The following ZNF276 variants were observed in gnomAD, a reference collection of about 807,000 sequenced individuals.
The protein encoded by ZNF276 is zinc finger protein 276, also known as centromere protein Z.
In ZNF276, 59 loss-of-function variants were observed where a neutral mutation model predicts 63.9. That is an observed-to-expected ratio of 0.92 (90% confidence interval 0.75 to 1.15). The LOEUF (loss-of-function observed/expected upper bound fraction) is 1.15. ZNF276 is among the 50% of genes most tolerant of loss of function. The pLI is 0.00. For synonymous variants in ZNF276, 496 were observed against 348.4 expected (o/e 1.42, Z -4.72); for missense variants, 1,084 against 843.8 (o/e 1.28, Z -3.53).
rs549586797 is a variant in ZNF276 at position 89,740,659 on chromosome 16, C to G, written c.*2413C>G. On this transcript the variant is annotated 3_prime_UTR_variant, in exon 11 of 11. Coordinates refer to ENST00000443381, the MANE Select transcript of ZNF276 (RefSeq NM_001113525.2). ...CTCAAAAAAAAAAAAAAAAAACCCA[C>G]GGCCTGGGAGTTCTCACTCACACTT... 4.1e-5 allele frequency: 27 copies of G among 652,786 alleles called. No individual in the cohort carries two copies. In the South Asian group the frequency reaches 4.5e-4, roughly 11 times the overall value. The allele number at this position is 652,786 out of a possible 1,614,324, so 40.4% of individuals were successfully genotyped here.
intron 9 of ZNF276, among the ~76,000 whole-genome samples, chr16:89,736,037 G>T (rs1188656456): frequency 6.6e-6 from 1 of 152,044 alleles, no homozygotes; most frequent in East Asian, 1.9e-4. Context: ...GACTACAGGT[G>T]CTGGCCACCA....
Position 89,722,545 on chromosome 16 carries a change from C to CG in ZNF276, c.220_221insG (p.Leu74ArgfsTer216), listed in dbSNP as rs1567561910. The CG allele has an allele frequency of 6.2e-7, 1 of 1,611,636 alleles. No homozygotes were observed. Among genetic ancestry groups the CG allele is most frequent in the Non-Finnish European group, 8.5e-7 (1 of 1,179,408 alleles). On this transcript the variant is annotated frameshift_variant, in exon 2 of 11. Transcript: ENST00000443381. LOFTEE classifies it high-confidence loss of function. ...GCTCTGTGCAGGAGCAGGCCGGGCT[C>CG]TCGCCATGGGTCACTGTCGCCTCTG...
chr16:89,722,386 G>C, intron 1 of ZNF276, 145 bp from the exon 2 acceptor site: 1 of 912,804 alleles, frequency 1.1e-6, no homozygotes, highest in Non-Finnish European at 1.6e-6. Context: ...TTGTCCCGCC[G>C]AGAGCCGCGC....
intron 9 of ZNF276, among the ~76,000 whole-genome samples, chr16:89,736,803 A>AAAAAAAAG (rs1399642832): frequency 6.6e-6 from 1 of 151,276 alleles, no homozygotes; most frequent in Non-Finnish European, 1.5e-5. Context: ...TCCAAAAAAA[A>AAAAAAAAG]AAAAAAAAAA....
At chr16:89,736,586 A>G (rs1210081285) in intron 9 of ZNF276, among the ~76,000 whole-genome samples, 1 of 151,598 alleles carries the variant, frequency 6.6e-6, no homozygotes, top group African/African-American at 2.4e-5. Context: ...TTGGCCTTCC[A>G]AAGTGCTGGG....
At chr16:89,725,326 C>T (rs901004670) in intron 4 of ZNF276, among the ~76,000 whole-genome samples, 1 of 149,872 alleles carries the variant, frequency 6.7e-6, no homozygotes. Flanking sequence ...GGATGATGGG[C>T]ACGCGCCACT....
chr16:89,738,850 C>G lies in ZNF276; in HGVS notation c.*604C>G, dbSNP rs755531081. On this transcript the variant is annotated 3_prime_UTR_variant, in exon 11 of 11. Coordinates refer to ENST00000443381, the MANE Select transcript of ZNF276 (RefSeq NM_001113525.2). Reference sequence around the variant, plus strand: ...GGCAGCTGTCAATTCTCATGTCCCCCACATGGCCCAAGGTGGGCATCTTGA... The same window carrying G: ...GGCAGCTGTCAATTCTCATGTCCCCGACATGGCCCAAGGTGGGCATCTTGA... The G allele has an allele frequency of 1.7e-5, 28 of 1,614,204 alleles. No homozygotes were observed. The highest frequency in any genetic ancestry group is 2.7e-5 in the African/African-American group (2 of 75,080).
At chr16:89,728,970 G>A (rs2061559802) in intron 5 of ZNF276, among the ~76,000 whole-genome samples, 1 of 152,246 alleles carries the variant, frequency 6.6e-6, no homozygotes, top group African/African-American at 2.4e-5. Flanking sequence ...CCCCTTCTGG[G>A]CCGCTGTGGA....
rs1438194839 is a variant in ZNF276 at position 89,723,428 on chromosome 16, T to C, written c.725T>C (p.Met242Thr). 1.2e-6 allele frequency: 2 copies of C among 1,612,930 alleles called. No individual in the cohort carries two copies. The highest frequency in any genetic ancestry group is 2.7e-5 in the African/African-American group (2 of 74,930). ...TGCGACCAGGGCCACGACTACACCA[T>C]GGATACCAGCTCCAGCTGCAAGGCC... The part of the protein sequence containing the change: ...WGCDQGHDYT[M>T]DTSSSCKAFL... The change falls in exon 4 of 11, where the codon ATG (methionine) becomes ACG (threonine). Residue 242 changes from methionine to threonine, a missense_variant. Physicochemically the swap from Met to Thr is moderately conservative, Grantham distance 81. Coordinates refer to ENST00000443381, the MANE Select transcript of ZNF276 (RefSeq NM_001113525.2).
Position 89,738,350 on chromosome 16 carries a change from CCGCCCTTGGTGCTGGA to C in ZNF276, c.*105_*120del. 1 of 1,480,728 alleles carries C rather than the reference CCGCCCTTGGTGCTGGA, an allele frequency of 6.8e-7. No individual in the cohort carries two copies. Among genetic ancestry groups the C allele is most frequent in the Non-Finnish European group, 9.0e-7 (1 of 1,112,534 alleles). The allele number at this position is 1,480,728 out of a possible 1,614,324, so 91.7% of individuals were successfully genotyped here. On this transcript the variant is annotated 3_prime_UTR_variant, in exon 11 of 11. Transcript: ENST00000443381. ...GCATGGGAGGGTCGGAGGGTGCTGC[CCGCCCTTGGTGCTGGA>C]GGCGGGCTTGGTGTCCGGCTCAAGT...
intron 9 of ZNF276, among the ~76,000 whole-genome samples, chr16:89,735,018 G>T (rs2061807147): frequency 6.6e-6 from 1 of 152,070 alleles, no homozygotes. Context: ...AATTATCTGG[G>T]TGTGGTGGCA....
At chr16:89,730,086 G>A (rs1282949855) in intron 6 of ZNF276, among the ~76,000 whole-genome samples, 3 of 152,188 alleles carry the variant, frequency 2.0e-5, no homozygotes, top group African/African-American at 7.2e-5. Context: ...AGACTGAGAG[G>A]TCAACGGCCT....
In ZNF276 at chr16:89,738,785, T is replaced by C. The variant is rs544934389; in HGVS notation, c.*539T>C. Reference sequence around the variant, plus strand: ...CACAGGGGAGGGGCTCTGGCAGAAATAGTCGAGTTGTATTGCCAGCCAGGC... The same window carrying C: ...CACAGGGGAGGGGCTCTGGCAGAAACAGTCGAGTTGTATTGCCAGCCAGGC... On this transcript the variant is annotated 3_prime_UTR_variant, in exon 11 of 11. Transcript: ENST00000443381. 1.0e-4 allele frequency: 162 copies of C among 1,612,996 alleles called. No homozygotes were observed. Among genetic ancestry groups the C allele is most frequent in the African/African-American group, 5.9e-4 (44 of 75,022 alleles).
chr16:89,734,580 A>C (rs2061786350), intron 9 of ZNF276, among the ~76,000 whole-genome samples: 1 of 152,064 alleles, frequency 6.6e-6, no homozygotes, highest in South Asian at 2.1e-4. Flanking sequence ...CAGCCTTCCA[A>C]AGTGCAGAGA....
At position 89,738,900 on chromosome 16, in the gene ZNF276, G is replaced by C. The variant is rs745958661; in HGVS notation, c.*654G>C. ...ACGTTACCTCTGCCACGTGTGAGAA[G>C]CTCTTTTTCGGGCACCGAGGTATTA... On this transcript the variant is annotated 3_prime_UTR_variant, in exon 11 of 11. Transcript: ENST00000443381. 3.1e-6 allele frequency: 5 copies of C among 1,614,140 alleles called. No individual in the cohort carries two copies. The African/African-American group carries it at 4.0e-5, about 13-fold the overall frequency.
chr16:89,723,720 C>A lies in ZNF276; in HGVS notation c.1006+11C>A. The A allele has an allele frequency of 1.2e-6, 2 of 1,603,274 alleles. No individual in the cohort carries two copies. The highest frequency in any genetic ancestry group is 1.7e-6 in the Non-Finnish European group (2 of 1,174,512). The stretch of plus-strand genomic sequence containing the variant: ...TTTGCAGGGCCCCAGGTAGGAGGCA[C>A]CTCTTGCTGGTGCTAGACCAGGATG... On this transcript the variant is annotated intron_variant, in intron 4 of 10. Transcript: ENST00000443381.
chr16:89,733,470 T>C lies in ZNF276; in HGVS notation c.1281-12T>C. The C allele has an allele frequency of 6.2e-7, 1 of 1,614,116 alleles. No homozygotes were observed. Among genetic ancestry groups the C allele is most frequent in the Admixed American group, 1.7e-5 (1 of 60,016 alleles). Reference sequence around the variant, plus strand: ...GTCGGGGCCGGGGCTCCATGCATGCTCTTCATTGCAGGGAGGAGCTTCCCA... The same window carrying C: ...GTCGGGGCCGGGGCTCCATGCATGCCCTTCATTGCAGGGAGGAGCTTCCCA... On this transcript the variant is annotated splice_polypyrimidine_tract_variant and intron_variant, in intron 7 of 10. Coordinates refer to ENST00000443381, the MANE Select transcript of ZNF276 (RefSeq NM_001113525.2).
At position 89,738,090 on chromosome 16, in the gene ZNF276, T is replaced by C. The variant is rs2151708169; in HGVS notation, c.1689T>C (p.Phe563=). Residue 563 remains phenylalanine, a synonymous_variant, in exon 11 of 11, where the codon TTT becomes TTC. Transcript: ENST00000443381. The part of the protein sequence containing the change: ...DFACDQCGRR[F]EKAHNLNVHM... ...CCTGTGACCAGTGTGGCCGGCGGTTTGAGAAGGCCCACAACCTCAATGTAC... is the reference window on the plus strand; with the variant it reads ...CCTGTGACCAGTGTGGCCGGCGGTTCGAGAAGGCCCACAACCTCAATGTAC... 1.2e-6 allele frequency: 2 copies of C among 1,614,044 alleles called. No individual in the cohort carries two copies. The highest frequency in any genetic ancestry group is 2.2e-5 in the South Asian group (2 of 91,084).
intron 6 of ZNF276, among the ~76,000 whole-genome samples, chr16:89,729,899 G>C (rs2061590444): frequency 6.6e-6 from 1 of 152,156 alleles, no homozygotes; most frequent in African/African-American, 2.4e-5. Flanking sequence ...GGTAGTGAGG[G>C]CTGGTTTTCA....
Sources: allele counts gnomAD v4.1 joint callset (sites outside exome capture counted in the v4.1 genomes callset), GRCh38; gene constraint gnomAD v4.1.1; transcripts MANE v1.5; gene names NCBI Gene and HGNC (gene_info 2026-07-23, HGNC 2026-07-21).